Variants in TSPAN16 observed in about 807,000 individuals in gnomAD.
The protein encoded by TSPAN16 is tetraspanin 16, also known as tetraspanin-16.
A neutral mutation model predicts 25.2 loss-of-function variants in TSPAN16; 23 were observed. The observed-to-expected ratio is 0.91, with a 90% CI of 0.66 to 1.29. TSPAN16 has a LOEUF of 1.29. Ranked by LOEUF, TSPAN16 falls within the 50% of genes most tolerant of loss-of-function variation. The pLI is 0.00. For synonymous variants in TSPAN16, 123 were observed against 124.4 expected, an observed-to-expected ratio of 0.99 and a Z score of 0.08; for missense variants, 272 against 299.9, an observed-to-expected ratio of 0.91 and a Z score of 0.69.
chr19:11,308,376 G>A (rs573128349), intron 5 of TSPAN16, among the ~76,000 whole-genome samples: 139 of 152,172 alleles, frequency 9.1e-4, no homozygotes, highest in African/African-American at 3.1e-3. Context: ...TCGACTCACC[G>A]CAGCCTCCGC....
Position 11,306,709 on chromosome 19 carries a change from G to A in TSPAN16, c.556G>A (p.Val186Met). Residue 186 changes from valine to methionine, a missense_variant, in exon 5 of 7, where the codon GTG becomes ATG. Val to Met is a conservative substitution (Grantham distance 21). Coordinates refer to ENST00000590327, the MANE Select transcript of TSPAN16 (RefSeq NM_001282509.2). ...PRSCCKSIGS[V>M]SCDGRDVSPN... The stretch of plus-strand genomic sequence containing the variant: ...GAGTTGCTGTAAATCCATCGGAAGT[G>A]TGTCCTGTGACGGACGCGATGTGTC... 1 of 1,614,102 alleles carries A rather than the reference G, an allele frequency of 6.2e-7. No homozygotes were observed. The highest frequency in any genetic ancestry group is 8.5e-7 in the Non-Finnish European group (1 of 1,180,032).
In TSPAN16 at chr19:11,301,235, C is replaced by G; in HGVS notation, c.377C>G (p.Thr126Ser). The change falls in exon 4 of 7, where the codon ACC becomes AGC. Residue 126 changes from threonine (T) to serine (S), a missense_variant. Physicochemically the swap from Thr to Ser is moderately conservative, Grantham distance 58 (BLOSUM62 1). Transcript: ENST00000590327. ...GTGGCCTTGGAACACACCTTCGTGA[C>G]CCTGAGGAAGAATTACAGAGGTTAC... ...GDVALEHTFV[T>S]LRKNYRGYNE... 1 of 1,613,862 alleles carries G rather than the reference C, an allele frequency of 6.2e-7. No individual in the cohort carries two copies. Among genetic ancestry groups the G allele is most frequent in the African/African-American group, 1.3e-5 (1 of 74,910 alleles).
intron 1 of TSPAN16, among the ~76,000 whole-genome samples, 200 bp downstream of exon 1, chr19:11,296,566 G>A (rs1278180781): frequency 5.9e-5 from 9 of 152,232 alleles, no homozygotes; most frequent in Non-Finnish European, 1.3e-4. Context: ...GTGAAATCCA[G>A]CACAGATGAG....
At chr19:11,304,726 A>C (rs181944774) in intron 4 of TSPAN16, among the ~76,000 whole-genome samples, 1 of 151,480 alleles carries the variant, frequency 6.6e-6, no homozygotes, top group Non-Finnish European at 1.5e-5. Context: ...GGGTTTCACC[A>C]TGTTAGCCAG....
intron 5 of TSPAN16, among the ~76,000 whole-genome samples, chr19:11,308,616 T>C (rs322149): frequency 2.6e-5 from 4 of 151,766 alleles, no homozygotes; most frequent in Non-Finnish European, 5.9e-5. Context: ...GACTACAGGC[T>C]CCTGCCAGCA....
chr19:11,319,627 A>C (rs535613851), downstream of TSPAN16, among the ~76,000 whole-genome samples: 21 of 151,650 alleles, frequency 1.4e-4, no homozygotes, highest in African/African-American at 5.1e-4. Flanking sequence ...AAAACAAAAC[A>C]AAAAAACAAA....
chr19:11,305,727 G>A (rs1261435360), intron 4 of TSPAN16, among the ~76,000 whole-genome samples: 5 of 151,736 alleles, frequency 3.3e-5, no homozygotes, highest in African/African-American at 1.2e-4. Flanking sequence ...GTAGCCAGGC[G>A]TGATGGCCTG....
At chr19:11,319,878 G>A (rs1383128888), downstream of TSPAN16, among the ~76,000 whole-genome samples, 2 of 151,968 alleles carry the variant, frequency 1.3e-5, no homozygotes, top group African/African-American at 4.8e-5. Flanking sequence ...GCAGTGACGC[G>A]ATCTTGGCTC....
intron 5 of TSPAN16, chr19:11,308,056 C>T (rs1390836224): frequency 6.6e-6 from 1 of 152,226 alleles, no homozygotes; most frequent in Non-Finnish European, 1.5e-5. Flanking sequence ...ATGGAGCACT[C>T]ACTTTGTGAG....
intron 4 of TSPAN16, 152 bp from the exon 5 acceptor site, chr19:11,306,452 G>A: frequency 1.1e-6 from 1 of 916,382 alleles, no homozygotes; most frequent in Non-Finnish European, 1.6e-6. Context: ...GCCAGGGAGG[G>A]TTCTGGGCTG....
intron 5 of TSPAN16, among the ~76,000 whole-genome samples, chr19:11,308,213 C>T (rs1033713158): frequency 7.2e-5 from 11 of 152,120 alleles, no homozygotes; most frequent in African/African-American, 2.2e-4. Context: ...ACTTCTTCCA[C>T]GAGTGAATGA....
chr19:11,298,204 G>C lies in TSPAN16; in HGVS notation c.132G>C (p.Thr44=). The change falls in exon 2 of 7, where the codon ACG becomes ACC. Residue 44 remains threonine (T), a synonymous_variant. Coordinates refer to ENST00000590327, the MANE Select transcript of TSPAN16 (RefSeq NM_001282509.2). The stretch of plus-strand genomic sequence containing the variant: ...GTAAATGTGGAGGGGCCTCTCTGAC[G>C]AATGTCCTCGGGCTGTCCTCCGCAT... ...IGGKCGGASL[T]NVLGLSSAYL... The C allele has an allele frequency of 6.2e-7, 1 of 1,614,162 alleles. No individual in the cohort carries two copies. Among genetic ancestry groups the C allele is most frequent in the Non-Finnish European group, 8.5e-7 (1 of 1,180,040 alleles).
At chr19:11,310,073 C>T (rs571013974) in intron 5 of TSPAN16, among the ~76,000 whole-genome samples, 221 of 151,586 alleles carry the variant, frequency 1.5e-3, no homozygotes, top group Non-Finnish European at 2.6e-3. Flanking sequence ...CCACTGCATC[C>T]AGTCTGAGTG....
chr19:11,301,638 TAA>T (rs567521729), intron 4 of TSPAN16, among the ~76,000 whole-genome samples: 26 of 129,958 alleles, frequency 2.0e-4, no homozygotes, highest in South Asian at 2.5e-4. Flanking sequence ...AGGCTCTGTT[TAA>T]AAAAAAAAAA....
downstream of TSPAN16, among the ~76,000 whole-genome samples, chr19:11,319,916 G>C (rs1004083079): frequency 2.0e-5 from 3 of 152,040 alleles, no homozygotes; most frequent in Non-Finnish European, 2.9e-5. Flanking sequence ...CCGGGTTCAC[G>C]CCATTCTCCT....
chr19:11,316,273 C>T (rs2080749096), downstream of TSPAN16, among the ~76,000 whole-genome samples: 1 of 152,016 alleles, frequency 6.6e-6, no homozygotes, highest in South Asian at 2.1e-4. Context: ...CACTCGCTAC[C>T]ATGCCCAGCT....
At chr19:11,318,834 A>G (rs2080762066), downstream of TSPAN16, among the ~76,000 whole-genome samples, 1 of 151,856 alleles carries the variant, frequency 6.6e-6, no homozygotes, top group African/African-American at 2.4e-5. Flanking sequence ...TTTAGTAGAG[A>G]CGGGGTTTTG....
intron 2 of TSPAN16, 152 bp from the exon 3 acceptor site, chr19:11,298,720 A>G: frequency 1.4e-6 from 1 of 726,958 alleles, no homozygotes; most frequent in Non-Finnish European, 2.4e-6. Flanking sequence ...GTGTTGAGCC[A>G]CTGCTCCCGG....
chr19:11,298,617 AG>A (rs1233259149), intron 2 of TSPAN16, among the ~76,000 whole-genome samples: 2 of 151,990 alleles, frequency 1.3e-5, no homozygotes, highest in Non-Finnish European at 2.9e-5. Context: ...TATTTTTAGT[AG>A]AGACGGGATT....
Sources: allele counts gnomAD v4.1 joint callset (sites outside exome capture counted in the v4.1 genomes callset), GRCh38; gene constraint gnomAD v4.1.1; transcripts MANE v1.5; gene names NCBI Gene and HGNC (gene_info 2026-07-23, HGNC 2026-07-21).